DCTD: variants seen among roughly 807,000 people sequenced by gnomAD.
The protein encoded by DCTD is dCMP deaminase, also known as deoxycytidylate deaminase.
A neutral mutation model predicts 21.0 loss-of-function variants in DCTD; 23 were observed. The ratio of observed to expected loss-of-function variants is 1.09; its 90% CI spans 0.79 to 1.55. The LOEUF is 1.55. Ranked by LOEUF, DCTD falls within the 40% of genes most tolerant of loss-of-function variation. DCTD has a pLI of 0.00. For synonymous variants in DCTD, 71 were observed against 81.1 expected (o/e 0.88, Z 0.67); for missense variants, 224 against 230.0 (o/e 0.97, Z 0.17).
At chr4:182,913,809 G>A (rs914882520) in intron 3 of DCTD, among the ~76,000 whole-genome samples, 3 of 152,162 alleles carry the variant, frequency 2.0e-5, no homozygotes, top group Non-Finnish European at 4.4e-5. Flanking sequence ...AGGAATGCAA[G>A]GAAAAGTAAA....
intron 3 of DCTD, chr4:182,911,409 T>C (rs971454827): frequency 3.9e-5 from 6 of 152,192 alleles, no homozygotes; most frequent in African/African-American, 1.4e-4. Flanking sequence ...GAGCCACGCA[T>C]GTGGCTTTCT....
intron 5 of DCTD, among the ~76,000 whole-genome samples, chr4:182,892,645 TC>T (rs1309655564): frequency 6.6e-6 from 1 of 151,522 alleles, no homozygotes; most frequent in Non-Finnish European, 1.5e-5. Flanking sequence ...AAAGAGAGAA[TC>T]CCCAATGTTT....
At chr4:182,914,003 T>C (rs1459406970) in intron 3 of DCTD, among the ~76,000 whole-genome samples, 17 of 140,928 alleles carry the variant, frequency 1.2e-4, no homozygotes, top group Admixed American at 1.2e-3. Flanking sequence ...GTTTTTTGTT[T>C]GTTTGTTTTT....
At chr4:182,905,886 C>T (rs1267163348) in intron 3 of DCTD, among the ~76,000 whole-genome samples, 1 of 152,204 alleles carries the variant, frequency 6.6e-6, no homozygotes, top group Non-Finnish European at 1.5e-5. Context: ...ATTCCAAAAT[C>T]TTGCTTCTCC....
intron 3 of DCTD, among the ~76,000 whole-genome samples, chr4:182,904,809 G>A (rs944216336): frequency 6.6e-6 from 1 of 152,162 alleles, no homozygotes; most frequent in Non-Finnish European, 1.5e-5. Flanking sequence ...TTCGCTCCAG[G>A]ACCCTGTGTC....
At chr4:182,914,847 C>A (rs1044066550) in intron 3 of DCTD, 76 bp downstream of exon 3, 2 of 1,559,344 alleles carry the variant, frequency 1.3e-6, no homozygotes, top group Admixed American at 1.7e-5. Context: ...GAGATGATGC[C>A]TTCTGACCAA....
At chr4:182,905,487 C>T (rs1268538051) in intron 3 of DCTD, among the ~76,000 whole-genome samples, 2 of 152,036 alleles carry the variant, frequency 1.3e-5, no homozygotes, top group African/African-American at 4.8e-5. Flanking sequence ...CACCAACACG[C>T]CCAGCTAATT....
intron 3 of DCTD, among the ~76,000 whole-genome samples, chr4:182,902,601 G>A (rs1735934223): frequency 6.6e-6 from 1 of 152,230 alleles, no homozygotes; most frequent in African/African-American, 2.4e-5. Context: ...CCCACCCAGG[G>A]GAGCAGCCCT....
chr4:182,906,554 A>G (rs1296017505), intron 3 of DCTD, among the ~76,000 whole-genome samples: 1 of 152,240 alleles, frequency 6.6e-6, no homozygotes, highest in Non-Finnish European at 1.5e-5. Context: ...TTTTAAAAAG[A>G]AAGAAAGATG....
rs538850876 is a variant in DCTD at position 182,897,322 on chromosome 4, AAAAT to A, written c.245-2721_245-2718del. 3.9e-4 allele frequency among the ~76,000 whole-genome samples: 58 copies of A among 149,998 alleles called. 3 individuals carry two copies. In the South Asian group the frequency reaches 0.011, roughly 30 times the overall value. On this transcript the variant is annotated intron_variant, in intron 3 of 5. Transcript: ENST00000438320. ...TATATATATATGAATATTAATATTAAAAATAAATATTAAATATATATCATATCTG... is the reference window on the plus strand; with the variant it reads ...TATATATATATGAATATTAATATTAAAAATATTAAATATATATCATATCTG...
intron 3 of DCTD, among the ~76,000 whole-genome samples, chr4:182,913,224 C>T (rs941076665): frequency 6.6e-6 from 1 of 152,224 alleles, no homozygotes. Flanking sequence ...TCCACTACCA[C>T]CGGCTCTGAA....
At chr4:182,905,165 A>T (rs13117700) in intron 3 of DCTD, among the ~76,000 whole-genome samples, 9,257 of 152,032 alleles carry the variant, frequency 0.061, 337 homozygotes, top group South Asian at 0.11. Context: ...CTCCTTCAAG[A>T]GGCTCCAATG....
intron 3 of DCTD, among the ~76,000 whole-genome samples, chr4:182,898,414 T>G (rs534036457): frequency 6.6e-6 from 1 of 152,252 alleles, no homozygotes; most frequent in African/African-American, 2.4e-5. Context: ...GGAGTGACAG[T>G]GGATCTGAGA....
At chr4:182,891,571 A>G in intron 5 of DCTD, 94 bp from the exon 6 acceptor site, 2 of 854,288 alleles carry the variant, frequency 2.3e-6, no homozygotes, top group Non-Finnish European at 3.9e-6. Flanking sequence ...GCAGAGAAAA[A>G]TATGTCCTGG....
At chr4:182,916,872 A>G (rs13114262) in intron 1 of DCTD, 293,299 of 1,019,448 alleles carry the variant, frequency 0.29, 42,977 homozygotes, top group African/African-American at 0.41. Flanking sequence ...AGAAACAGAG[A>G]GAACTGGAGC....
chr4:182,902,687 T>C (rs1385583376), intron 3 of DCTD, among the ~76,000 whole-genome samples: 2 of 152,176 alleles, frequency 1.3e-5, no homozygotes, highest in African/African-American at 2.4e-5. Context: ...TGGTAAGTTC[T>C]GGTTGCAAAC....
intron 3 of DCTD, 131 bp from the exon 4 acceptor site, chr4:182,894,736 T>C (rs1734426630): frequency 2.9e-6 from 2 of 693,812 alleles, no homozygotes; most frequent in Admixed American, 2.1e-5. Flanking sequence ...TGATTAGAAA[T>C]GGCAAGTCCT....
intron 4 of DCTD, 61 bp from the exon 5 acceptor site, chr4:182,893,188 G>A: frequency 1.0e-6 from 1 of 985,194 alleles, no homozygotes; most frequent in African/African-American, 1.6e-5. Context: ...CAAAAGACAG[G>A]CGGAAGCAGC....
chr4:182,897,281 GCTT>G (rs1734899192), intron 3 of DCTD, among the ~76,000 whole-genome samples: 1 of 151,142 alleles, frequency 6.6e-6, no homozygotes, highest in South Asian at 2.1e-4. Context: ...AGAATGTAAA[GCTT>G]CTTGTTAAAA....
Sources: gnomAD v4.1 joint callset for allele counts (sites outside exome capture counted in the v4.1 genomes callset) on GRCh38, gnomAD v4.1.1 for gene constraint, MANE v1.5 for transcripts, NCBI Gene and HGNC (gene_info 2026-07-23, HGNC 2026-07-21) for gene names.